Variants in SYT1 observed in about 807,000 individuals in gnomAD.
The protein encoded by SYT1 is synaptotagmin 1, also known as synaptotagmin-1.
Under a neutral mutation model 44.8 loss-of-function variants are expected in SYT1, and 8 were observed. That is an observed-to-expected ratio of 0.18 (90% CI 0.10 to 0.32). The LOEUF is 0.32. Ranked by LOEUF, SYT1 falls within the 10% of genes least tolerant of loss-of-function variation. The pLI, the probability that SYT1 is intolerant of heterozygous loss-of-function variation, is 1.00. For synonymous variants in SYT1, 154 were observed against 188.8 expected (o/e 0.82, Z 1.51); for missense variants, 286 against 509.3 (o/e 0.56, Z 4.22).
At chr12:79,266,410 G>GA (rs57350730) in intron 4 of SYT1, among the ~76,000 whole-genome samples, 2 of 150,862 alleles carry the variant, frequency 1.3e-5, no homozygotes, top group Non-Finnish European at 3.0e-5. Flanking sequence ...TTTTGGCAAA[G>GA]AAAAAAAAAT....
chr12:79,393,036 T>A (rs542176177), intron 9 of SYT1: 1 of 150,616 alleles, frequency 6.6e-6, no homozygotes, highest in East Asian at 2.0e-4. Context: ...TTTCCACTTA[T>A]AAGTGAGAAC....
At chr12:79,364,392 C>T (rs1005764462) in intron 9 of SYT1, among the ~76,000 whole-genome samples, 28 of 152,114 alleles carry the variant, frequency 1.8e-4, no homozygotes, top group African/African-American at 6.3e-4. Context: ...CCCTTGGTCA[C>T]CTTTTGCCCA....
Position 78,929,446 on chromosome 12 carries a change from A to AAAAAAAAG in SYT1, c.-216-48353_-216-48352insAAAAAAAG, listed in dbSNP as rs373264605. Among the ~76,000 whole-genome samples the AAAAAAAAG allele has an allele frequency of 4.4e-4, 56 of 128,572 alleles. 5 individuals carry two copies. Among genetic ancestry groups the AAAAAAAAG allele is most frequent in the African/African-American group, 2.1e-3 (55 of 25,890 alleles). 84.3% of individuals were successfully genotyped at this position (128,572 alleles called of 152,430 possible). On this transcript the variant is annotated intron_variant, in intron 1 of 10. Coordinates refer to ENST00000261205, the MANE Select transcript of SYT1 (RefSeq NM_005639.3). ...AAAAAAAAAAAAAAAAAAAAAAAAA[A>AAAAAAAAG]GGTTATTAGCAGCAATTAGTTTTAT...
intron 1 of SYT1, among the ~76,000 whole-genome samples, chr12:78,890,866 C>T (rs1334424267): frequency 6.6e-6 from 1 of 151,910 alleles, no homozygotes; most frequent in African/African-American, 2.4e-5. Flanking sequence ...CAAGGCTTGG[C>T]TGAAGAGTAA....
At position 78,988,129 on chromosome 12, in the gene SYT1, A is replaced by AT. The variant is rs962504713; in HGVS notation, c.-84+10208dup. On this transcript the variant is annotated intron_variant, in intron 2 of 10. Coordinates refer to ENST00000261205, the MANE Select transcript of SYT1 (RefSeq NM_005639.3). Reference sequence around the variant, plus strand: ...ACTTATTAATTCACTCACTGAACAAATTTTTTTTTTCAAAATGTACAATGC... The same window carrying AT: ...ACTTATTAATTCACTCACTGAACAAATTTTTTTTTTTCAAAATGTACAATGC... Among the ~76,000 whole-genome samples, 92 of 149,984 alleles carry AT rather than the reference A, an allele frequency of 6.1e-4. 1 individual carries two copies. The highest frequency in any genetic ancestry group is 1.1e-3 in the Admixed American group (17 of 14,926).
At chr12:79,334,959 C>T (rs991869063) in intron 8 of SYT1, among the ~76,000 whole-genome samples, 6 of 152,054 alleles carry the variant, frequency 3.9e-5, no homozygotes, top group South Asian at 2.1e-4. Flanking sequence ...TTATTTCTCA[C>T]GACACATTGA....
chr12:78,930,182 A>C (rs1877556750), intron 1 of SYT1, among the ~76,000 whole-genome samples: 1 of 152,180 alleles, frequency 6.6e-6, no homozygotes, highest in African/African-American at 2.4e-5. Flanking sequence ...TCACCACAAA[A>C]AATCAGTTGC....
At chr12:79,211,710 G>T (rs1322394936) in intron 3 of SYT1, among the ~76,000 whole-genome samples, 1 of 150,768 alleles carries the variant, frequency 6.6e-6, no homozygotes, top group Non-Finnish European at 1.5e-5. Flanking sequence ...TTGTTCTTGT[G>T]ATAGTTTACT....
chr12:79,240,945 G>A (rs1328838694), intron 4 of SYT1, among the ~76,000 whole-genome samples: 1 of 152,198 alleles, frequency 6.6e-6, no homozygotes, highest in African/African-American at 2.4e-5. Context: ...GGCCACAGCA[G>A]GAGGATAGCT....
rs895233355 is a variant in SYT1 at position 79,400,265 on chromosome 12, C to A, written c.929-43808C>A. Among the ~76,000 whole-genome samples the A allele has an allele frequency of 2.3e-4, 35 of 152,100 alleles. 1 individual carries two copies. The highest frequency in any genetic ancestry group is 8.5e-4 in the African/African-American group (35 of 41,412). ...CATGGCAAGTCATTAAGTTGAGCCA[C>A]GATTTCATCAAAATGTAAAGGTAAT... On this transcript the variant is annotated intron_variant, in intron 9 of 10. Transcript: ENST00000261205.
chr12:79,046,593 A>T (rs1472776698), intron 2 of SYT1: 3 of 152,082 alleles, frequency 2.0e-5, no homozygotes, highest in Admixed American at 6.6e-5. Flanking sequence ...TTTACTCTTT[A>T]AACTGAAAGT....
chr12:79,145,226 C>A (rs1869802766), intron 3 of SYT1, among the ~76,000 whole-genome samples: 1 of 152,028 alleles, frequency 6.6e-6, no homozygotes. Flanking sequence ...ACTATACATG[C>A]TTAATAATAT....
chr12:79,154,560 A>G (rs1314063415), intron 3 of SYT1, among the ~76,000 whole-genome samples: 2 of 152,054 alleles, frequency 1.3e-5, no homozygotes, highest in African/African-American at 2.4e-5. Flanking sequence ...TAATGGGGGG[A>G]AAAAGAGCAA....
chr12:78,951,462 A>G (rs1235691703), intron 1 of SYT1, among the ~76,000 whole-genome samples: 1 of 152,174 alleles, frequency 6.6e-6, no homozygotes, highest in Admixed American at 6.6e-5. Context: ...AGGTGAAAAT[A>G]TAGTCCAAAG....
chr12:79,410,664 A>G (rs556868528), intron 9 of SYT1, among the ~76,000 whole-genome samples: 1 of 152,240 alleles, frequency 6.6e-6, no homozygotes, highest in Admixed American at 6.5e-5. Context: ...TTAATAAGCT[A>G]TATTTTCACT....
At chr12:79,285,002 C>G (rs1047742482) in intron 4 of SYT1, among the ~76,000 whole-genome samples, 2 of 152,152 alleles carry the variant, frequency 1.3e-5, no homozygotes, top group Admixed American at 1.3e-4. Context: ...AAACTCAGAA[C>G]AGTGAAGCAA....
intron 8 of SYT1, among the ~76,000 whole-genome samples, chr12:79,343,101 A>G (rs1882452263): frequency 2.0e-5 from 3 of 152,248 alleles, no homozygotes; most frequent in South Asian, 4.1e-4. Context: ...ATCCAAGGAA[A>G]GAAAGGGAGT....
chr12:79,134,741 A>G (rs767979313), intron 3 of SYT1, among the ~76,000 whole-genome samples: 57 of 152,204 alleles, frequency 3.7e-4, no homozygotes, highest in Admixed American at 1.0e-3. Flanking sequence ...ATGGGTATCA[A>G]TTCCATGCCT....
At chr12:79,373,567 T>C (rs1883877366) in intron 9 of SYT1, among the ~76,000 whole-genome samples, 1 of 152,190 alleles carries the variant, frequency 6.6e-6, no homozygotes, top group Non-Finnish European at 1.5e-5. Flanking sequence ...TTAGATTCCA[T>C]TTATTTCAAC....
Sources: allele counts gnomAD v4.1 joint callset (sites outside exome capture counted in the v4.1 genomes callset), GRCh38; gene constraint gnomAD v4.1.1; transcripts MANE v1.5; gene names NCBI Gene and HGNC (gene_info 2026-07-23, HGNC 2026-07-21).